Variants in FSHR observed in about 807,000 individuals in gnomAD.
FSHR encodes the protein follicle-stimulating hormone receptor.
A neutral mutation model predicts 52.1 loss-of-function variants in FSHR; 46 were observed. That is an observed-to-expected ratio of 0.88 (90% CI 0.70 to 1.13). The LOEUF is 1.13. Ranked by LOEUF, FSHR falls within the 50% of genes most tolerant of loss-of-function variation. FSHR has a pLI of 0.00. For missense variants in FSHR, 964 were observed against 834.6 expected, an observed-to-expected ratio of 1.16 and a Z score of -1.91; for synonymous variants, 399 against 309.6, an observed-to-expected ratio of 1.29 and a Z score of -3.03.
chr2:49,133,561 A>G (rs1445055094), intron 1 of FSHR, among the ~76,000 whole-genome samples: 1 of 152,202 alleles, frequency 6.6e-6, no homozygotes, highest in African/African-American at 2.4e-5. Context: ...AGAATTGGAA[A>G]AAACTACTTT....
chr2:48,997,172 C>G (rs1676060374), intron 4 of FSHR: 1 of 957,538 alleles, frequency 1.0e-6, no homozygotes. Context: ...CCAAACAGTT[C>G]ACTTACCTTT....
intron 1 of FSHR, among the ~76,000 whole-genome samples, chr2:49,081,619 G>A (rs183432492): frequency 6.6e-6 from 1 of 152,112 alleles, no homozygotes; most frequent in African/African-American, 2.4e-5. Flanking sequence ...GTGCCTGAAT[G>A]ATTTCTGTAA....
In FSHR at chr2:49,056,583, C is replaced by G. The variant is rs1466058532; in HGVS notation, c.224+11636G>C. Among the ~76,000 whole-genome samples the G allele has an allele frequency of 3.3e-5, 5 of 151,596 alleles. No individual in the cohort carries two copies. The East Asian group carries it at 9.7e-4, about 29-fold the overall frequency. On this transcript the variant is annotated intron_variant, in intron 2 of 9. Coordinates refer to ENST00000406846, the MANE Select transcript of FSHR (RefSeq NM_000145.4). ...ATTAGTAGTTGGAGACTTCAACACC[C>G]TACTCTCAGCATTAGACAGATTGTT... is the stretch of plus-strand genomic sequence containing the variant.
chr2:49,146,700 T>A (rs531249901), intron 1 of FSHR, among the ~76,000 whole-genome samples: 5 of 152,190 alleles, frequency 3.3e-5, no homozygotes, highest in East Asian at 1.9e-4. Context: ...AAGATGCTTG[T>A]AAAATCAAAG....
At chr2:49,086,577 T>C (rs910868698) in intron 1 of FSHR, among the ~76,000 whole-genome samples, 9 of 152,232 alleles carry the variant, frequency 5.9e-5, no homozygotes, top group Non-Finnish European at 1.2e-4. Flanking sequence ...TTTCATACTA[T>C]AAATGCCTGA....
intron 1 of FSHR, among the ~76,000 whole-genome samples, chr2:49,147,284 TA>T (rs1375142406): frequency 6.6e-6 from 1 of 152,050 alleles, no homozygotes; most frequent in Admixed American, 6.6e-5. Context: ...GTGGGCTATA[TA>T]AGCTAAAATC....
intron 1 of FSHR, among the ~76,000 whole-genome samples, chr2:49,093,479 G>C (rs1362198076): frequency 6.6e-6 from 1 of 151,474 alleles, no homozygotes; most frequent in Non-Finnish European, 1.5e-5. Context: ...TGAAGTCTGT[G>C]TTATCTGATA....
chr2:49,125,302 A>G lies in FSHR; in HGVS notation c.152+28964T>C, dbSNP rs562092839. Among the ~76,000 whole-genome samples the G allele has an allele frequency of 2.6e-5, 4 of 151,110 alleles. No individual in the cohort carries two copies. In the East Asian group the frequency reaches 7.8e-4, roughly 29 times the overall value. On this transcript the variant is annotated intron_variant, in intron 1 of 9. Transcript: ENST00000406846. The stretch of plus-strand genomic sequence containing the variant: ...CCACACGTAAACTACACTAACATTA[A>G]CAATAGCTGGTGAGCTAAAAAAAAA...
chr2:49,104,898 A>G (rs1241600786), intron 1 of FSHR, among the ~76,000 whole-genome samples: 2 of 152,076 alleles, frequency 1.3e-5, no homozygotes, highest in Admixed American at 6.6e-5. Context: ...TGTGACAGAG[A>G]GGAGACCACC....
chr2:49,011,240 G>A (rs1048161810), intron 4 of FSHR, among the ~76,000 whole-genome samples: 72 of 151,542 alleles, frequency 4.8e-4, no homozygotes, highest in Non-Finnish European at 4.7e-4. Flanking sequence ...CTTTGTTCTC[G>A]TTGGTTTCAA....
In FSHR at chr2:48,963,572, G is replaced by A; in HGVS notation, c.1249C>T (p.Leu417Phe). 1.9e-6 allele frequency: 3 copies of A among 1,614,188 alleles called. No individual in the cohort carries two copies. The highest frequency in any genetic ancestry group is 1.1e-5 in the South Asian group (1 of 91,086). ...ADLCIGIYLL[L>F]IASVDIHTKS... Reference sequence around the variant, plus strand: ...GTATGGATATCAACTGATGCAATGAGCAGCAGGTAGATTCCAATGCAGAGA... The same window carrying A: ...GTATGGATATCAACTGATGCAATGAACAGCAGGTAGATTCCAATGCAGAGA... Residue 417 changes from leucine to phenylalanine, a missense_variant, in exon 10 of 10, where the codon CTC becomes TTC. Transcript: ENST00000406846.
intron 1 of FSHR, among the ~76,000 whole-genome samples, chr2:49,152,270 G>A (rs1673089565): frequency 6.6e-6 from 1 of 152,032 alleles, no homozygotes; most frequent in South Asian, 2.1e-4. Flanking sequence ...ATTTGTTTCT[G>A]GTGCTCTGTT....
At chr2:49,011,683 A>G (rs1254047503) in intron 4 of FSHR, among the ~76,000 whole-genome samples, 1 of 152,050 alleles carries the variant, frequency 6.6e-6, no homozygotes, top group Non-Finnish European at 1.5e-5. Context: ...CTTTTCAGAA[A>G]GCAAAGTTAA....
At chr2:49,016,051 C>G (rs1453887741) in intron 4 of FSHR, among the ~76,000 whole-genome samples, 3 of 152,114 alleles carry the variant, frequency 2.0e-5, no homozygotes, top group African/African-American at 7.2e-5. Flanking sequence ...CCTATTAAGT[C>G]TTTTATTACC....
Position 48,963,410 on chromosome 2 carries a change from T to G in FSHR, c.1411A>C (p.Ile471Leu), listed in dbSNP as rs1674322291. The G allele has an allele frequency of 6.2e-7, 1 of 1,614,090 alleles. No homozygotes were observed. The highest frequency in any genetic ancestry group is 8.5e-7 in the Non-Finnish European group (1 of 1,179,988). The change falls in exon 10 of 10, where the codon ATC becomes CTC. Residue 471 changes from isoleucine to leucine, a missense_variant. Coordinates refer to ENST00000406846, the MANE Select transcript of FSHR (RefSeq NM_000145.4). Reference sequence around the variant, plus strand: ...CAGTCCAGCTGCATGGCATGCGTGATGGTATGCCATCTTTCCAAGGTGATA... The same window carrying G: ...CAGTCCAGCTGCATGGCATGCGTGAGGGTATGCCATCTTTCCAAGGTGATA... ...TAITLERWHT[I>L]THAMQLDCKV...
chr2:48,963,642 T>A lies in FSHR; in HGVS notation c.1179A>T (p.Lys393Asn). Reference sequence around the variant, plus strand: ...ACATAAGGAACCTGGGGACTGTGAGTTTATATTGGCTGGTAGTTAGGATCA... The same window carrying A: ...ACATAAGGAACCTGGGGACTGTGAGATTATATTGGCTGGTAGTTAGGATCA... The part of the protein sequence containing the change: ...VLVILTTSQY[K>N]LTVPRFLMCN... Residue 393 changes from lysine (K) to asparagine (N), a missense_variant, in exon 10 of 10, where the codon AAA (lysine) becomes AAT (asparagine). Lys to Asn is a moderately conservative substitution (Grantham distance 94, BLOSUM62 0). Coordinates refer to ENST00000406846, the MANE Select transcript of FSHR (RefSeq NM_000145.4). 5 of 1,613,966 alleles carry A rather than the reference T, an allele frequency of 3.1e-6. No individual in the cohort carries two copies. The highest frequency in any genetic ancestry group is 4.2e-6 in the Non-Finnish European group (5 of 1,179,966).
At chr2:49,067,335 G>A (rs373591815) in intron 2 of FSHR, among the ~76,000 whole-genome samples, 2 of 152,128 alleles carry the variant, frequency 1.3e-5, no homozygotes, top group African/African-American at 4.8e-5. Context: ...ACTTCAGGAA[G>A]TACTATTCTT....
chr2:49,134,585 A>G lies in FSHR; in HGVS notation c.152+19681T>C, dbSNP rs144406673. The stretch of plus-strand genomic sequence containing the variant: ...ACTGGGTATATACCCAAAGGATTAT[A>G]AATCATACTGCTATCAAGACACATG... On this transcript the variant is annotated intron_variant, in intron 1 of 9. Coordinates refer to ENST00000406846, the MANE Select transcript of FSHR (RefSeq NM_000145.4). Among the ~76,000 whole-genome samples, 487 of 152,326 alleles carry G rather than the reference A, an allele frequency of 3.2e-3. 1 individual carries two copies. The highest frequency in any genetic ancestry group is 0.01 in the Middle Eastern group (3 of 294).
chr2:49,127,898 C>CTTCTTCT (rs1558457105), intron 1 of FSHR, among the ~76,000 whole-genome samples: 1 of 27,258 alleles, frequency 3.7e-5, no homozygotes. Flanking sequence ...TCTTCTTCTT[C>CTTCTTCT]TTTTTTTTTT....
Sources: gnomAD v4.1 joint callset for allele counts (sites outside exome capture counted in the v4.1 genomes callset) on GRCh38, gnomAD v4.1.1 for gene constraint, MANE v1.5 for transcripts, NCBI Gene and HGNC (gene_info 2026-07-23, HGNC 2026-07-21) for gene names.